PLPPR4: variants seen among roughly 807,000 people sequenced by gnomAD.
PLPPR4 encodes phospholipid phosphatase related 4.
PLPPR4 carries 24 observed loss-of-function variants against 56.6 expected under a neutral mutation model. That is an observed-to-expected ratio of 0.42 (90% CI 0.31 to 0.60). The LOEUF (loss-of-function observed/expected upper bound fraction) is 0.60, where lower values mean the gene tolerates loss of function less well. Among genes scored for constraint, PLPPR4 ranks in the 20% least tolerant of loss-of-function variants. The pLI is 0.13. For synonymous variants in PLPPR4, 326 were observed against 328.1 expected (o/e 0.99, Z 0.07); for missense variants, 654 against 885.8 (o/e 0.74, Z 3.32).
chr1:99,282,099 A>C (rs1031469730), intron 1 of PLPPR4, among the ~76,000 whole-genome samples: 2 of 152,116 alleles, frequency 1.3e-5, no homozygotes, highest in African/African-American at 4.8e-5. Context: ...TTGACCTCTT[A>C]CTTTAGTAAC....
intron 1 of PLPPR4, among the ~76,000 whole-genome samples, chr1:99,280,252 G>C (rs1659288006): frequency 6.6e-6 from 1 of 152,074 alleles, no homozygotes; most frequent in Non-Finnish European, 1.5e-5. Flanking sequence ...GGGGCTTTGT[G>C]GCTGTTGCAC....
intron 1 of PLPPR4, among the ~76,000 whole-genome samples, chr1:99,280,388 C>T (rs571024846): frequency 1.9e-4 from 29 of 152,300 alleles, no homozygotes; most frequent in Non-Finnish European, 2.9e-4. Context: ...GCACCTAAGT[C>T]CTCAACACAT....
chr1:99,279,361 A>G (rs1659267837), intron 1 of PLPPR4, among the ~76,000 whole-genome samples: 1 of 152,200 alleles, frequency 6.6e-6, no homozygotes, highest in Non-Finnish European at 1.5e-5. Context: ...TTTATATTAG[A>G]AATCATTCAC....
At chr1:99,298,812 C>T (rs1390726362) in intron 3 of PLPPR4, 1 of 628,224 alleles carries the variant, frequency 1.6e-6, no homozygotes, top group African/African-American at 1.9e-5. Context: ...ACCAAATTAA[C>T]AAAAGTGCCT....
intron 1 of PLPPR4, among the ~76,000 whole-genome samples, chr1:99,275,823 C>CA (rs1228364636): frequency 1.3e-5 from 2 of 152,130 alleles, no homozygotes; most frequent in African/African-American, 4.8e-5. Flanking sequence ...CCCAGCCCAC[C>CA]AAACTCAGGA....
At position 99,309,011 on chromosome 1, in the gene PLPPR4, TA is replaced by T. The variant is rs1179279504; in HGVS notation, c.*2004del. ...TTTCCTATTTCTTAACAAAAGATTT[TA>T]AAGTACTTCTCTAGTCATTGAAGTT... On this transcript the variant is annotated 3_prime_UTR_variant, in exon 7 of 7. Transcript: ENST00000370185. 6.6e-6 allele frequency: 1 copy of T among 152,574 alleles called. No homozygotes were observed. Among genetic ancestry groups the T allele is most frequent in the South Asian group, 2.1e-4 (1 of 4,828 alleles). The allele number at this position is 152,574 out of a possible 1,614,324, so 9.5% of individuals were successfully genotyped here.
chr1:99,265,170 A>G (rs1658862820), intron 1 of PLPPR4, among the ~76,000 whole-genome samples: 2 of 126,968 alleles, frequency 1.6e-5, no homozygotes, highest in East Asian at 2.7e-4. Context: ...TCCTTCTCCT[A>G]TTATATTATT....
intron 1 of PLPPR4, among the ~76,000 whole-genome samples, chr1:99,275,610 G>A (rs1659165685): frequency 6.6e-6 from 1 of 152,116 alleles, no homozygotes; most frequent in African/African-American, 2.4e-5. Context: ...TTTGGCTTTG[G>A]CCTTGGCCAC....
chr1:99,264,981 G>T (rs906114275), intron 1 of PLPPR4, among the ~76,000 whole-genome samples: 1 of 152,194 alleles, frequency 6.6e-6, no homozygotes, highest in South Asian at 2.1e-4. Flanking sequence ...CACAACGTCC[G>T]CTAGTGCCCC....
At chr1:99,266,705 G>T (rs1182257788) in intron 1 of PLPPR4, among the ~76,000 whole-genome samples, 2 of 152,166 alleles carry the variant, frequency 1.3e-5, no homozygotes, top group Non-Finnish European at 2.9e-5. Context: ...GTATCTTGGG[G>T]TTAACAGACT....
At position 99,264,571 on chromosome 1, in the gene PLPPR4, G is replaced by C. The variant is rs923095908; in HGVS notation, c.-23G>C. 1 of 1,550,724 alleles carries C rather than the reference G, an allele frequency of 6.4e-7. No individual in the cohort carries two copies. Among genetic ancestry groups the C allele is most frequent in the African/African-American group, 1.4e-5 (1 of 73,090 alleles). On this transcript the variant is annotated 5_prime_UTR_variant, in exon 1 of 7. Coordinates refer to ENST00000370185, the MANE Select transcript of PLPPR4 (RefSeq NM_014839.5). ...GTGCACACCTCGCCCGGGGGAGGAC[G>C]CAGACCCGGGCAGGCGGCAGGGATG...
chr1:99,284,625 T>C (rs1659417223), intron 1 of PLPPR4, among the ~76,000 whole-genome samples: 1 of 151,628 alleles, frequency 6.6e-6, no homozygotes, highest in African/African-American at 2.4e-5. Flanking sequence ...TTTTAAAACA[T>C]GCTTCTATAG....
intron 1 of PLPPR4, among the ~76,000 whole-genome samples, chr1:99,269,579 T>C (rs559208288): frequency 6.6e-6 from 1 of 152,344 alleles, no homozygotes; most frequent in African/African-American, 2.4e-5. Flanking sequence ...CACTATATAA[T>C]GTAAACAAAT....
At chr1:99,267,380 C>T (rs1205074043) in intron 1 of PLPPR4, among the ~76,000 whole-genome samples, 1 of 152,116 alleles carries the variant, frequency 6.6e-6, no homozygotes, top group Non-Finnish European at 1.5e-5. Context: ...AAATCCTGGG[C>T]CTTGCAGACA....
chr1:99,298,142 G>C (rs1414507873), intron 3 of PLPPR4, among the ~76,000 whole-genome samples: 1 of 152,114 alleles, frequency 6.6e-6, no homozygotes, highest in Non-Finnish European at 1.5e-5. Flanking sequence ...CAGCACTCTT[G>C]GTCTGGAGGC....
chr1:99,304,284 C>T (rs976781145), intron 6 of PLPPR4, among the ~76,000 whole-genome samples: 3 of 152,162 alleles, frequency 2.0e-5, no homozygotes, highest in African/African-American at 7.2e-5. Context: ...AGTATAGTAA[C>T]ACACTGTAGG....
chr1:99,306,911 G>A lies in PLPPR4; in HGVS notation c.2049G>A (p.Lys683=). ...SSSRDSTLRR[K]GNIILIPERS... ...CCCGCGACTCCACCCTGCGGAGAAA[G>A]GGCAATATCATTCTAATCCCTGAAA... Residue 683 remains lysine (K), a synonymous_variant, in exon 7 of 7, where the codon AAG becomes AAA. Coordinates refer to ENST00000370185, the MANE Select transcript of PLPPR4 (RefSeq NM_014839.5). This position sits in a 1 kb window ranked among gnomAD's most constrained non-coding sequence, Gnocchi z 4.0. 1.9e-6 allele frequency: 3 copies of A among 1,614,102 alleles called. No homozygotes were observed. Among genetic ancestry groups the A allele is most frequent in the Non-Finnish European group, 2.5e-6 (3 of 1,180,010 alleles).
rs1268119404 is a variant in PLPPR4 at position 99,308,106 on chromosome 1, C to T, written c.*1096C>T. On this transcript the variant is annotated 3_prime_UTR_variant, in exon 7 of 7. Coordinates refer to ENST00000370185, the MANE Select transcript of PLPPR4 (RefSeq NM_014839.5). ...TAGCTGGCATAGGTTGCCATCTTAACAAGTAATCTAAAAGTCCCATTCGGT... is the reference window on the plus strand; with the variant it reads ...TAGCTGGCATAGGTTGCCATCTTAATAAGTAATCTAAAAGTCCCATTCGGT... The T allele has an allele frequency of 1.3e-5, 2 of 152,118 alleles. No homozygotes were observed. Among genetic ancestry groups the T allele is most frequent in the Non-Finnish European group, 2.9e-5 (2 of 68,022 alleles). The allele number at this position is 152,118 out of a possible 1,614,324, so 9.4% of individuals were successfully genotyped here. A position where few individuals can be genotyped will look rare whatever the true frequency, so the allele number is the denominator to read the frequency against.
At chr1:99,287,240 G>T (rs1467848237) in intron 1 of PLPPR4, among the ~76,000 whole-genome samples, 1 of 133,024 alleles carries the variant, frequency 7.5e-6, no homozygotes, top group Non-Finnish European at 1.7e-5. Flanking sequence ...TGGGTGCATA[G>T]TATTCCATGG....
Sources: allele counts gnomAD v4.1 joint callset (sites outside exome capture counted in the v4.1 genomes callset), GRCh38; gene constraint gnomAD v4.1.1; non-coding constraint Gnocchi (gnomAD v3.1); transcripts MANE v1.5; gene names NCBI Gene and HGNC (gene_info 2026-07-23, HGNC 2026-07-21).